Variants in PLS1 observed in about 807,000 individuals in gnomAD.
PLS1 encodes the protein plastin 1.
A neutral mutation model predicts 73.7 loss-of-function variants in PLS1; 32 were observed. The ratio of observed to expected loss-of-function variants is 0.43; its 90% CI spans 0.33 to 0.58. The LOEUF (loss-of-function observed/expected upper bound fraction) is 0.58. PLS1 is among the 20% of genes least tolerant of loss of function. The pLI, the probability that PLS1 is intolerant of heterozygous loss-of-function variation, is 0.04. For missense variants in PLS1, 633 were observed against 740.5 expected, an observed-to-expected ratio of 0.85 and a Z score of 1.68; for synonymous variants, 217 against 261.3, an observed-to-expected ratio of 0.83 and a Z score of 1.63.
At chr3:142,625,803 G>A (rs947367985) in intron 1 of PLS1, among the ~76,000 whole-genome samples, 13 of 151,806 alleles carry the variant, frequency 8.6e-5, no homozygotes, top group Admixed American at 5.3e-4. Flanking sequence ...GCAAAACCCC[G>A]TCTCTACTGA....
At chr3:142,679,914 T>C (rs2037812256) in intron 6 of PLS1, among the ~76,000 whole-genome samples, 1 of 152,134 alleles carries the variant, frequency 6.6e-6, no homozygotes, top group Admixed American at 6.5e-5. Flanking sequence ...GAGCATGGAA[T>C]GTTCTTCCAT....
chr3:142,626,011 A>G (rs552591086), intron 1 of PLS1, among the ~76,000 whole-genome samples: 1 of 152,338 alleles, frequency 6.6e-6, no homozygotes, highest in South Asian at 2.1e-4. Flanking sequence ...GAATTCATGC[A>G]TGCATGCTAC....
chr3:142,660,591 C>G (rs916929385), intron 1 of PLS1, among the ~76,000 whole-genome samples: 1 of 152,168 alleles, frequency 6.6e-6, no homozygotes, highest in African/African-American at 2.4e-5. Context: ...TCATACCGCT[C>G]TCTGCTGACT....
At chr3:142,619,913 AT>A (rs1461274635) in intron 1 of PLS1, among the ~76,000 whole-genome samples, 4 of 151,996 alleles carry the variant, frequency 2.6e-5, no homozygotes, top group African/African-American at 4.8e-5. Flanking sequence ...TTTTTCTTCT[AT>A]TTTTTAATGT....
intron 3 of PLS1, among the ~76,000 whole-genome samples, chr3:142,669,976 C>T (rs900599496): frequency 1.1e-4 from 16 of 152,122 alleles, no homozygotes; most frequent in African/African-American, 3.9e-4. Context: ...TAAAAAGAAA[C>T]GTGATTCCTG....
At chr3:142,667,297 C>T (rs555014266) in intron 2 of PLS1, among the ~76,000 whole-genome samples, 1 of 152,230 alleles carries the variant, frequency 6.6e-6, no homozygotes, top group South Asian at 2.1e-4. Context: ...TACCTGTAGT[C>T]CCAGCTACTT....
intron 1 of PLS1, among the ~76,000 whole-genome samples, chr3:142,626,341 G>A (rs1291139750): frequency 6.6e-6 from 1 of 152,124 alleles, no homozygotes; most frequent in Non-Finnish European, 1.5e-5. Flanking sequence ...AAACTCCCTC[G>A]CTGCTGCTGT....
At chr3:142,631,080 A>G (rs1450882877) in intron 1 of PLS1, among the ~76,000 whole-genome samples, 4 of 152,028 alleles carry the variant, frequency 2.6e-5, no homozygotes, top group Non-Finnish European at 5.9e-5. Flanking sequence ...TCCATATGCA[A>G]AAGAATGAAA....
chr3:142,600,953 T>C (rs1403802837), intron 1 of PLS1, among the ~76,000 whole-genome samples: 6 of 109,740 alleles, frequency 5.5e-5, no homozygotes, highest in Non-Finnish European at 8.8e-5. Flanking sequence ...AGACGGAGTC[T>C]CGCTCTGTGG....
At chr3:142,650,672 T>A (rs1177575615) in intron 1 of PLS1, among the ~76,000 whole-genome samples, 1 of 152,116 alleles carries the variant, frequency 6.6e-6, no homozygotes, top group Non-Finnish European at 1.5e-5. Context: ...AGGGGGAACA[T>A]CAGAACTAAA....
intron 1 of PLS1, among the ~76,000 whole-genome samples, chr3:142,604,216 T>C (rs1386223645): frequency 1.3e-5 from 2 of 152,184 alleles, no homozygotes; most frequent in Non-Finnish European, 2.9e-5. Flanking sequence ...TAATTACACC[T>C]TGGACCAAGG....
At chr3:142,677,662 A>C (rs2037750634) in intron 5 of PLS1, among the ~76,000 whole-genome samples, 1 of 152,046 alleles carries the variant, frequency 6.6e-6, no homozygotes, top group South Asian at 2.1e-4. Context: ...AAGAAAATTC[A>C]GGATGGTTAA....
At chr3:142,690,759 CATA>C (rs951746336) in intron 10 of PLS1, among the ~76,000 whole-genome samples, 3 of 152,148 alleles carry the variant, frequency 2.0e-5, no homozygotes, top group Non-Finnish European at 2.9e-5. Context: ...GTATATGAAT[CATA>C]ATAACAAAAC....
chr3:142,643,925 G>C (rs1467550337), intron 1 of PLS1, among the ~76,000 whole-genome samples: 1 of 150,266 alleles, frequency 6.7e-6, no homozygotes, highest in Non-Finnish European at 1.5e-5. Flanking sequence ...CACCTGCTGG[G>C]TTCAAGCGAT....
At chr3:142,639,895 T>C (rs2036792932) in intron 1 of PLS1, among the ~76,000 whole-genome samples, 1 of 152,230 alleles carries the variant, frequency 6.6e-6, no homozygotes, top group Non-Finnish European at 1.5e-5. Context: ...CACTAAGCAG[T>C]CATAAACTAT....
At chr3:142,663,497 A>G (rs765197463) in intron 1 of PLS1, among the ~76,000 whole-genome samples, 1 of 152,178 alleles carries the variant, frequency 6.6e-6, no homozygotes, top group Non-Finnish European at 1.5e-5. Context: ...TAGGAGTTCA[A>G]GACCAGCCTG....
chr3:142,598,916 G>A (rs931545352), intron 1 of PLS1, among the ~76,000 whole-genome samples: 3 of 151,746 alleles, frequency 2.0e-5, no homozygotes, highest in African/African-American at 7.3e-5. Context: ...CAGGAGAATC[G>A]CATGAACCCG....
intron 4 of PLS1, among the ~76,000 whole-genome samples, chr3:142,671,704 TGTTAA>T (rs745720835): frequency 6.6e-6 from 1 of 152,244 alleles, no homozygotes; most frequent in South Asian, 2.1e-4. Context: ...GTCTTCCCCG[TGTTAA>T]GTTATCTAAG....
chr3:142,635,468 T>A (rs1231162756), intron 1 of PLS1, among the ~76,000 whole-genome samples: 1 of 148,626 alleles, frequency 6.7e-6, no homozygotes, highest in Non-Finnish European at 1.5e-5. Flanking sequence ...CTGGGCATGG[T>A]GACGCGAGTC....
Sources: allele counts gnomAD v4.1 joint callset (sites outside exome capture counted in the v4.1 genomes callset), GRCh38; gene constraint gnomAD v4.1.1; transcripts MANE v1.5; gene names NCBI Gene and HGNC (gene_info 2026-07-23, HGNC 2026-07-21).